The following DIS3 variants were observed in gnomAD, a reference collection of about 807,000 sequenced individuals.
The protein encoded by DIS3 is DIS3 exosome endoribonuclease and 3'-5' exoribonuclease.
In DIS3, 103 loss-of-function variants were observed where a neutral mutation model predicts 113.0. That is an observed-to-expected ratio of 0.91 (90% confidence interval 0.78 to 1.07). The LOEUF is 1.07. Ranked by LOEUF, DIS3 falls within the 50% of genes least tolerant of loss-of-function variation. DIS3 has a pLI of 0.00. For missense variants in DIS3, 1,121 were observed against 1,167.1 expected, an observed-to-expected ratio of 0.96 and a Z score of 0.58; for synonymous variants, 402 against 394.3, an observed-to-expected ratio of 1.02 and a Z score of -0.23.
At chr13:72,767,421 ATCT>A (rs201165519) in intron 14 of DIS3, among the ~76,000 whole-genome samples, 168 of 152,266 alleles carry the variant, frequency 1.1e-3, no homozygotes, top group African/African-American at 3.5e-3. Flanking sequence ...AAATTCAATT[ATCT>A]TCTTCTTATA....
Position 72,763,556 on chromosome 13 carries a change from A to G in DIS3, c.2022T>C (p.Val674=), listed in dbSNP as rs772034766. Residue 674 remains valine, a synonymous_variant, in exon 16 of 21, where the codon GTT becomes GTC. Coordinates refer to ENST00000377767, the MANE Select transcript of DIS3 (RefSeq NM_014953.5). ...AAAATTCCTCATGAATTTTTTTTGC[A>G]ACAGAAATATTGGCAAGTAACATAA... ...EEFMLLANIS[V]AKKIHEEFSE... The G allele has an allele frequency of 7.2e-5, 116 of 1,613,692 alleles. No homozygotes were observed. The highest frequency in any genetic ancestry group is 9.5e-5 in the Non-Finnish European group (112 of 1,179,934).
rs776762611 is a variant in DIS3, at chr13:72,776,016, C to A, written c.731G>T (p.Gly244Val). 26 of 1,611,242 alleles carry A rather than the reference C, an allele frequency of 1.6e-5. No homozygotes were observed. The highest frequency in any genetic ancestry group is 2.0e-5 in the Non-Finnish European group (24 of 1,179,172). ...TCTAAATGTTCCTTGAAGGTATGTA[C>A]CAGATTTTATGCCTTGCTGTAGCTT... ...LSKLQQGIKS[G>V]TYLQGTFRAS... is the part of the protein sequence containing the mutation. The change falls in exon 5 of 21, where the codon GGT (glycine) becomes GTT (valine). Residue 244 changes from glycine (G) to valine (V), a missense_variant. By Grantham distance (109) the Gly-to-Val change is moderately radical (BLOSUM62 -3). This residue lies in a region of DIS3 where 861 missense variants were observed against 915.5 expected (regional missense o/e 0.94). Coordinates refer to ENST00000377767, the MANE Select transcript of DIS3 (RefSeq NM_014953.5).
intron 18 of DIS3, 26 bp downstream of exon 18, chr13:72,761,619 CT>C: frequency 6.4e-7 from 1 of 1,553,996 alleles, no homozygotes; most frequent in Non-Finnish European, 8.6e-7. Flanking sequence ...TTCATTTTTT[CT>C]AGCAGTATCG....
At chr13:72,778,569 T>A (rs1316398541) in intron 2 of DIS3, among the ~76,000 whole-genome samples, 189 bp from the exon 3 acceptor site, 1 of 152,108 alleles carries the variant, frequency 6.6e-6, no homozygotes, top group East Asian at 1.9e-4. Flanking sequence ...TAAGAAACAA[T>A]TTGCTTGGAA....
At chr13:72,772,040 C>T (rs1458737612) in intron 10 of DIS3, 119 bp downstream of exon 10, 9 of 1,181,254 alleles carry the variant, frequency 7.6e-6, no homozygotes, top group East Asian at 2.4e-5. Flanking sequence ...TGGCCAATAG[C>T]GTGCAGCTAC....
rs1263193647 is a variant in DIS3, at chr13:72,753,533, A to G, written c.*6262T>C. On this transcript the variant is annotated 3_prime_UTR_variant, in exon 21 of 21. Coordinates refer to ENST00000377767, the MANE Select transcript of DIS3 (RefSeq NM_014953.5). ...TCAGTACTATGCAGGACTACCTTTT[A>G]TATTTGTGCATTACTTTTGAATTTT... 6 of 696,370 alleles carry G rather than the reference A, an allele frequency of 8.6e-6. No homozygotes were observed. The highest frequency in any genetic ancestry group is 4.3e-5 in the South Asian group (2 of 46,912). The allele number at this position is 696,370 out of a possible 1,614,324, so 43.1% of individuals were successfully genotyped here. A position where few individuals can be genotyped will look rare whatever the true frequency, so the allele number is the denominator to read the frequency against.
chr13:72,770,769 C>A (rs2033866550), intron 13 of DIS3, 135 bp downstream of exon 13: 1 of 413,130 alleles, frequency 2.4e-6, no homozygotes, highest in South Asian at 9.0e-5. Flanking sequence ...TACATAACAT[C>A]TCTTTTCAAA....
chr13:72,780,429 A>G (rs893534130), intron 2 of DIS3, among the ~76,000 whole-genome samples: 1 of 152,154 alleles, frequency 6.6e-6, no homozygotes, highest in Non-Finnish European at 1.5e-5. Context: ...CATTAAGAAT[A>G]AATCTACTTT....
chr13:72,774,862 A>C (rs965860586), intron 6 of DIS3, among the ~76,000 whole-genome samples: 6 of 152,170 alleles, frequency 3.9e-5, no homozygotes, highest in Non-Finnish European at 7.4e-5. Flanking sequence ...CATTTTCTAA[A>C]ACATTTCCTA....
intron 14 of DIS3, among the ~76,000 whole-genome samples, 165 bp downstream of exon 14, chr13:72,768,620 G>A (rs2033809801): frequency 6.6e-6 from 1 of 152,124 alleles, no homozygotes; most frequent in Non-Finnish European, 1.5e-5. Context: ...CTCCAGCGTG[G>A]GTGACAGAGT....
At chr13:72,768,715 A>G in intron 14 of DIS3, 70 bp downstream of exon 14, 1 of 1,201,268 alleles carries the variant, frequency 8.3e-7, no homozygotes, top group Non-Finnish European at 1.2e-6. Flanking sequence ...TAAATAATTC[A>G]TCATTGCCTA....
chr13:72,778,296 A>C lies in DIS3; in HGVS notation c.471T>G (p.Asn157Lys). The change falls in exon 3 of 21, where the codon AAT becomes AAG. Residue 157 changes from asparagine (N) to lysine (K), a missense_variant. By Grantham distance (94) the Asn-to-Lys change is moderately conservative. Transcript: ENST00000377767. Reference protein sequence around the residue: ...RAIRVAAKWYNEHLKKMSADN... With the variant: ...RAIRVAAKWYKEHLKKMSADN... ...CTGCTGACATTTTTTTCAAATGTTC[A>C]TTGTACCATTTTGCTGCTACTCGAA... 6.2e-7 allele frequency: 1 copy of C among 1,607,116 alleles called. No homozygotes were observed. The highest frequency in any genetic ancestry group is 1.7e-4 in the Middle Eastern group (1 of 6,028).
intron 6 of DIS3, 114 bp downstream of exon 6, chr13:72,775,097 C>G: frequency 1.7e-6 from 2 of 1,180,880 alleles, no homozygotes; most frequent in Non-Finnish European, 2.3e-6. Flanking sequence ...GTTAAATATA[C>G]AGAACTATGA....
intron 15 of DIS3, 33 bp downstream of exon 15, chr13:72,765,938 AT>A (rs765449406): frequency 2.1e-5 from 31 of 1,481,098 alleles, no homozygotes; most frequent in Non-Finnish European, 2.9e-5. Flanking sequence ...AAATAAAAAA[AT>A]CTTATCTAAT....
intron 15 of DIS3, among the ~76,000 whole-genome samples, chr13:72,763,996 A>T (rs1039273360): frequency 6.6e-6 from 1 of 152,032 alleles, no homozygotes; most frequent in Non-Finnish European, 1.5e-5. Flanking sequence ...CTAAAAATAT[A>T]AAAAAATTAG....
chr13:72,781,632 C>A lies in DIS3; in HGVS notation c.201G>T (p.Leu67=). 1 of 1,538,162 alleles carries A rather than the reference C, an allele frequency of 6.5e-7. No individual in the cohort carries two copies. The highest frequency in any genetic ancestry group is 8.8e-7 in the Non-Finnish European group (1 of 1,140,594). Residue 67 remains leucine (L), a synonymous_variant, in exon 1 of 21, where the codon CTG becomes CTT. Transcript: ENST00000377767. ...SSVCPQPHYL[L]PDTNVLLHQI... ...GGTGCAGTAACACATTAGTGTCGGG[C>A]AGCAAGTAGTGCGGTTGCGGGCAGA...
rs1026086652 is a variant in DIS3 at position 72,756,494 on chromosome 13, C to T, written c.*3301G>A. 1 of 152,166 alleles carries T rather than the reference C, an allele frequency of 6.6e-6. No homozygotes were observed. Among genetic ancestry groups the T allele is most frequent in the Non-Finnish European group, 1.5e-5 (1 of 68,036 alleles). The allele number at this position is 152,166 out of a possible 1,614,324, so 9.4% of individuals were successfully genotyped here. A position where few individuals can be genotyped will look rare whatever the true frequency, so the allele number is the denominator to read the frequency against. On this transcript the variant is annotated 3_prime_UTR_variant, in exon 21 of 21. Transcript: ENST00000377767. ...ATAGTACAAAAGTCAAGAAATAACA[C>T]AATAGTGACTATAACCTGTATTCAA...
Position 72,753,409 on chromosome 13 carries a change from A to C in DIS3, c.*6386T>G, listed in dbSNP as rs1010625798. The C allele has an allele frequency of 4.5e-5, 11 of 244,990 alleles. 1 individual carries two copies. In the Admixed American group the frequency reaches 4.7e-4, roughly 10 times the overall value. 15.2% of individuals were successfully genotyped at this position (244,990 alleles called of 1,614,324 possible). A position where few individuals can be genotyped will look rare whatever the true frequency, so the allele number is the denominator to read the frequency against. ...TTTTTGTCTACTAGGTACGATCACA[A>C]AATAACAGGAAAGCATTGTGTCAGT... On this transcript the variant is annotated 3_prime_UTR_variant, in exon 21 of 21. Transcript: ENST00000377767.
chr13:72,779,243 G>C (rs531948264), intron 2 of DIS3, among the ~76,000 whole-genome samples: 1 of 151,100 alleles, frequency 6.6e-6, no homozygotes, highest in Non-Finnish European at 1.5e-5. Context: ...ACTCAGCCTC[G>C]CAAGTAGCTG....
Sources: allele counts gnomAD v4.1 joint callset (sites outside exome capture counted in the v4.1 genomes callset), GRCh38; gene constraint gnomAD v4.1.1; regional missense constraint gnomAD v4.1.1; transcripts MANE v1.5; gene names NCBI Gene and HGNC (gene_info 2026-07-23, HGNC 2026-07-21).